The following DDX10 variants were observed in gnomAD, a reference collection of about 807,000 sequenced individuals.
DDX10 encodes the protein DEAD-box helicase 10.
Under a neutral mutation model 104.3 loss-of-function variants are expected in DDX10, and 74 were observed. The observed-to-expected ratio is 0.71, with a 90% CI of 0.59 to 0.86. The LOEUF is 0.86. DDX10 is among the 40% of genes least tolerant of loss of function. The pLI, the probability that DDX10 is intolerant of heterozygous loss-of-function variation, is 0.00. For synonymous variants in DDX10, 351 were observed against 353.4 expected (o/e 0.99, Z 0.08); for missense variants, 952 against 1,040.0 (o/e 0.92, Z 1.16).
intron 16 of DDX10, among the ~76,000 whole-genome samples, chr11:108,854,974 G>GA (rs5794609): frequency 1 from 151,744 of 152,316 alleles, 75,590 homozygotes; most frequent in Middle Eastern, 1. Flanking sequence ...GTTCTGCCTA[G>GA]TTATATTATG....
chr11:108,673,061 A>T (rs940549852), intron 1 of DDX10, among the ~76,000 whole-genome samples: 8 of 152,340 alleles, frequency 5.3e-5, no homozygotes, highest in Admixed American at 1.3e-4. Flanking sequence ...TGTGTATAGA[A>T]CTATTTTCAT....
At chr11:108,712,946 C>T (rs1483122912) in intron 10 of DDX10, among the ~76,000 whole-genome samples, 2 of 151,922 alleles carry the variant, frequency 1.3e-5, no homozygotes, top group South Asian at 2.1e-4. Context: ...TACAGAGTTC[C>T]AGGCTGGTGG....
At chr11:108,844,935 G>A (rs914799867) in intron 15 of DDX10, among the ~76,000 whole-genome samples, 8 of 152,084 alleles carry the variant, frequency 5.3e-5, no homozygotes, top group Non-Finnish European at 7.4e-5. Context: ...GGTGGCTCAC[G>A]CCTGTAATCC....
intron 16 of DDX10, among the ~76,000 whole-genome samples, chr11:108,865,592 A>C (rs1181712548): frequency 6.6e-6 from 1 of 152,010 alleles, no homozygotes; most frequent in East Asian, 1.9e-4. Flanking sequence ...ACACAAGAAG[A>C]ATAACAGGAG....
chr11:108,809,327 A>G (rs981578339), intron 13 of DDX10, among the ~76,000 whole-genome samples: 2 of 152,196 alleles, frequency 1.3e-5, no homozygotes, highest in Non-Finnish European at 2.9e-5. Context: ...TGATAAGGTA[A>G]TAAAGGGAAT....
At chr11:108,779,231 T>G (rs2094374461) in intron 13 of DDX10, among the ~76,000 whole-genome samples, 4 of 152,190 alleles carry the variant, frequency 2.6e-5, no homozygotes. Context: ...TAAAGACACA[T>G]GCACACGTAT....
chr11:108,696,457 G>A (rs2094260065), intron 9 of DDX10, among the ~76,000 whole-genome samples: 1 of 152,122 alleles, frequency 6.6e-6, no homozygotes, highest in Non-Finnish European at 1.5e-5. Flanking sequence ...GATTACAGGT[G>A]TGAGCCACAG....
At chr11:108,809,787 A>G (rs1333891985) in intron 13 of DDX10, among the ~76,000 whole-genome samples, 1 of 152,184 alleles carries the variant, frequency 6.6e-6, no homozygotes, top group African/African-American at 2.4e-5. Context: ...CTTGGCATAC[A>G]TAGTAGTCAT....
intron 16 of DDX10, among the ~76,000 whole-genome samples, chr11:108,853,681 T>C (rs981053088): frequency 6.6e-6 from 1 of 152,110 alleles, no homozygotes; most frequent in Non-Finnish European, 1.5e-5. Context: ...AATGAAAAAA[T>C]GATAAAGTTG....
At chr11:108,793,607 T>G (rs1227673590) in intron 13 of DDX10, among the ~76,000 whole-genome samples, 1 of 152,262 alleles carries the variant, frequency 6.6e-6, no homozygotes, top group East Asian at 1.9e-4. Context: ...TGTGAATTGC[T>G]TTTATATGGA....
At chr11:108,696,915 GAGGGGGGAATATTTCA>G (rs1437921070) in intron 9 of DDX10, among the ~76,000 whole-genome samples, 1 of 152,076 alleles carries the variant, frequency 6.6e-6, no homozygotes, top group Non-Finnish European at 1.5e-5. Context: ...AAAGATTCTA[GAGGGGGGAATATTTCA>G]AGGTTCTTGG....
intron 13 of DDX10, among the ~76,000 whole-genome samples, chr11:108,734,634 A>G (rs1287531850): frequency 6.6e-6 from 1 of 152,158 alleles, no homozygotes; most frequent in Non-Finnish European, 1.5e-5. Flanking sequence ...CTTTTATACA[A>G]TATTCAATAT....
At chr11:108,711,844 T>C (rs1410242508) in intron 10 of DDX10, among the ~76,000 whole-genome samples, 2 of 152,216 alleles carry the variant, frequency 1.3e-5, no homozygotes, top group African/African-American at 4.8e-5. Context: ...TATTGTTGAG[T>C]TCAACTATGT....
At chr11:108,940,116 C>A in intron 17 of DDX10, 130 bp from the exon 18 acceptor site, 1 of 976,824 alleles carries the variant, frequency 1.0e-6, no homozygotes, top group Non-Finnish European at 1.5e-6. Context: ...ATACAGATAT[C>A]TTGATGTTGC....
At chr11:108,765,059 C>T (rs2094354953) in intron 13 of DDX10, among the ~76,000 whole-genome samples, 1 of 152,106 alleles carries the variant, frequency 6.6e-6, no homozygotes, top group Non-Finnish European at 1.5e-5. Flanking sequence ...TTTCAATAGA[C>T]CTTTCTATTA....
chr11:108,813,808 T>G (rs1051978748), intron 13 of DDX10, among the ~76,000 whole-genome samples: 6 of 152,190 alleles, frequency 3.9e-5, no homozygotes, highest in African/African-American at 1.4e-4. Context: ...TATTCCAATA[T>G]TGCTCATTAG....
intron 16 of DDX10, among the ~76,000 whole-genome samples, chr11:108,914,399 G>A (rs1395856633): frequency 6.6e-6 from 1 of 152,138 alleles, no homozygotes; most frequent in Non-Finnish European, 1.5e-5. Context: ...GAGAGGGTAA[G>A]CCTACCTCTG....
At chr11:108,934,274 T>TG (rs1864009894) in intron 17 of DDX10, among the ~76,000 whole-genome samples, 1 of 152,112 alleles carries the variant, frequency 6.6e-6, no homozygotes, top group African/African-American at 2.4e-5. Flanking sequence ...AGGTTTTCAG[T>TG]GGGGGAATAG....
At chr11:108,927,893 C>G (rs1863928410) in intron 17 of DDX10, among the ~76,000 whole-genome samples, 1 of 152,196 alleles carries the variant, frequency 6.6e-6, no homozygotes, top group South Asian at 2.1e-4. Flanking sequence ...CCTGCCTTGG[C>G]CTCCCAAAGT....
Sources: allele counts gnomAD v4.1 joint callset (sites outside exome capture counted in the v4.1 genomes callset), GRCh38; gene constraint gnomAD v4.1.1; transcripts MANE v1.5; gene names NCBI Gene and HGNC (gene_info 2026-07-23, HGNC 2026-07-21).